Variants in PPP1R37 observed in about 807,000 individuals in gnomAD.
PPP1R37 encodes the protein leucine rich repeat containing 68.
PPP1R37 carries 21 observed loss-of-function variants against 61.0 expected under a neutral mutation model. The observed-to-expected ratio is 0.34, with a 90% confidence interval of 0.24 to 0.50. PPP1R37 has a LOEUF of 0.50. Ranked by LOEUF, PPP1R37 falls within the 20% of genes least tolerant of loss-of-function variation. The pLI is 0.98. For synonymous variants in PPP1R37, 443 were observed against 433.5 expected, an observed-to-expected ratio of 1.02 and a Z score of -0.27; for missense variants, 910 against 952.7, an observed-to-expected ratio of 0.96 and a Z score of 0.59.
intron 1 of PPP1R37, among the ~76,000 whole-genome samples, chr19:45,120,689 G>T (rs1417606461): frequency 6.6e-6 from 1 of 152,064 alleles, no homozygotes; most frequent in African/African-American, 2.4e-5. Flanking sequence ...GTGCAGTGGC[G>T]CTGTCTCATT....
At chr19:45,141,221 C>G in intron 4 of PPP1R37, 101 bp from the exon 5 acceptor site, 1 of 1,361,088 alleles carries the variant, frequency 7.3e-7, no homozygotes, top group Non-Finnish European at 9.7e-7. Flanking sequence ...CTCTCCAGAC[C>G]CTGGACCCAT....
chr19:45,096,151 G>T (rs1967990583), intron 1 of PPP1R37, among the ~76,000 whole-genome samples: 1 of 152,154 alleles, frequency 6.6e-6, no homozygotes, highest in East Asian at 1.9e-4. Flanking sequence ...GTCATCTTGG[G>T]CTGGTGTGGA....
chr19:45,114,174 A>G (rs1968235694), intron 1 of PPP1R37, among the ~76,000 whole-genome samples: 1 of 152,236 alleles, frequency 6.6e-6, no homozygotes, highest in Non-Finnish European at 1.5e-5. Flanking sequence ...GTCGAGAGCC[A>G]TTGCCTGTGT....
chr19:45,127,496 A>G (rs1968421914), intron 1 of PPP1R37, among the ~76,000 whole-genome samples: 1 of 152,116 alleles, frequency 6.6e-6, no homozygotes, highest in Admixed American at 6.6e-5. Context: ...ACACAGTGGT[A>G]GGTATTTGTG....
At chr19:45,134,542 A>G (rs1285054533) in intron 1 of PPP1R37, among the ~76,000 whole-genome samples, 2 of 147,994 alleles carry the variant, frequency 1.4e-5, no homozygotes, top group Non-Finnish European at 3.0e-5. Context: ...GTAAAATCTT[A>G]GTTTTGGTGT....
At chr19:45,118,396 T>A (rs1018709873) in intron 1 of PPP1R37, among the ~76,000 whole-genome samples, 1 of 152,082 alleles carries the variant, frequency 6.6e-6, no homozygotes, top group Non-Finnish European at 1.5e-5. Flanking sequence ...ACTCTGAAGG[T>A]CATAGTGGCT....
intron 1 of PPP1R37, among the ~76,000 whole-genome samples, chr19:45,135,359 C>A (rs1968526091): frequency 6.6e-6 from 1 of 152,258 alleles, no homozygotes; most frequent in Non-Finnish European, 1.5e-5. Flanking sequence ...GCCTCCTCGC[C>A]CCAGCGGTGC....
intron 5 of PPP1R37, 38 bp from the exon 6 acceptor site, chr19:45,142,023 T>A: frequency 6.8e-7 from 1 of 1,468,382 alleles, no homozygotes; most frequent in South Asian, 1.3e-5. Context: ...GGGGCAGGCC[T>A]GAGCCAGTGC....
intron 7 of PPP1R37, 132 bp downstream of exon 7, chr19:45,142,590 GGAA>G: frequency 1.0e-6 from 1 of 984,330 alleles, no homozygotes; most frequent in Non-Finnish European, 1.5e-6. Context: ...GCTCCCAGGA[GGAA>G]GACAGACCCG....
chr19:45,132,305 TTTTTC>T (rs1968487939), intron 1 of PPP1R37, among the ~76,000 whole-genome samples: 1 of 152,014 alleles, frequency 6.6e-6, no homozygotes, highest in Non-Finnish European at 1.5e-5. Flanking sequence ...AGTTACGTAT[TTTTTC>T]TTTTCTTTTT....
chr19:45,103,548 G>T (rs981230632), intron 1 of PPP1R37, among the ~76,000 whole-genome samples: 1 of 152,070 alleles, frequency 6.6e-6, no homozygotes, highest in Non-Finnish European at 1.5e-5. Context: ...GTGGAGAACT[G>T]CTCGCGTCCT....
intron 1 of PPP1R37, among the ~76,000 whole-genome samples, chr19:45,124,092 A>G (rs1051463304): frequency 5.3e-4 from 81 of 152,142 alleles, no homozygotes; most frequent in African/African-American, 1.5e-3. Flanking sequence ...CTGTCTTCCT[A>G]GGACTCATAG....
intron 8 of PPP1R37, 120 bp from the exon 9 acceptor site, chr19:45,144,734 C>G (rs924216701): frequency 7.4e-6 from 6 of 812,184 alleles, no homozygotes; most frequent in Non-Finnish European, 1.1e-5. Flanking sequence ...TTCACGCAGG[C>G]GCGCGAAAGA....
rs1386226081 is a variant in PPP1R37 at position 45,130,687 on chromosome 19, T to C, written c.203-7827T>C. On this transcript the variant is annotated intron_variant, in intron 1 of 12. Coordinates refer to ENST00000221462, the MANE Select transcript of PPP1R37 (RefSeq NM_019121.2). The surrounding 1 kb of genome is among the most constrained non-coding windows in gnomAD (Gnocchi z 4.4). ...GAGCCTGGTTGCCATCACAGTCATA[T>C]GGGGACCTGTTAAAATCTGGGCCCC... is the stretch of plus-strand genomic sequence containing the variant. 6.6e-6 allele frequency among the ~76,000 whole-genome samples: 1 copy of C among 152,194 alleles called. No individual in the cohort carries two copies. The highest frequency in any genetic ancestry group is 6.5e-5 in the Admixed American group (1 of 15,288).
intron 1 of PPP1R37, among the ~76,000 whole-genome samples, chr19:45,137,684 G>T (rs1434318822): frequency 6.6e-6 from 1 of 152,196 alleles, no homozygotes; most frequent in East Asian, 1.9e-4. Context: ...ATCCTGAGAG[G>T]CACGTGGCAT....
In PPP1R37 at chr19:45,145,627, A is replaced by G. The variant is rs369342659; in HGVS notation, c.1571A>G (p.Asp524Gly). 1 of 1,535,804 alleles carries G rather than the reference A, an allele frequency of 6.5e-7. No homozygotes were observed. The highest frequency in any genetic ancestry group is 1.2e-5 in the South Asian group (1 of 84,060). The change falls in exon 11 of 13, where the codon GAC becomes GGC. Residue 524 changes from aspartate (D) to glycine (G), a missense_variant. Transcript: ENST00000221462. Reference sequence around the variant, plus strand: ...GAGGAGGAAGAGGAAGGGGAGAGGGACGAGACCCCCTGTCCTGCCCTGGTG... The same window carrying G: ...GAGGAGGAAGAGGAAGGGGAGAGGGGCGAGACCCCCTGTCCTGCCCTGGTG... ...EEEEEEEGER[D>G]ETPCPALVPP...
In PPP1R37 at chr19:45,093,390, C is replaced by G. The variant is rs1489419317; in HGVS notation, c.65C>G (p.Pro22Arg). ...GCGGACGGCGACATTGAAGAGGCCCCAGCTGAGGCCGGGTCTCCCAGCCCC... is the reference window on the plus strand; with the variant it reads ...GCGGACGGCGACATTGAAGAGGCCCGAGCTGAGGCCGGGTCTCCCAGCCCC... Reference protein sequence around the residue: ...PGADGDIEEAPAEAGSPSPAS... With the variant: ...PGADGDIEEARAEAGSPSPAS... Residue 22 changes from proline (P) to arginine (R), a missense_variant, in exon 1 of 13, where the codon CCA becomes CGA. By Grantham distance (103) the Pro-to-Arg change is moderately radical (BLOSUM62 -2). Around this residue, in one of 3 missense-constraint regions of PPP1R37, gnomAD observed 81 missense variants for 65.4 expected, o/e 1.24. Coordinates refer to ENST00000221462, the MANE Select transcript of PPP1R37 (RefSeq NM_019121.2). The G allele has an allele frequency of 1.3e-6, 2 of 1,532,932 alleles. No individual in the cohort carries two copies. The highest frequency in any genetic ancestry group is 2.4e-5 in the South Asian group (2 of 83,806). 95.0% of individuals were successfully genotyped at this position (1,532,932 alleles called of 1,614,324 possible). A position where few individuals can be genotyped will look rare whatever the true frequency, so the allele number is the denominator to read the frequency against.
At chr19:45,102,073 C>G (rs1407729505) in intron 1 of PPP1R37, among the ~76,000 whole-genome samples, 2 of 152,224 alleles carry the variant, frequency 1.3e-5, no homozygotes, top group Non-Finnish European at 2.9e-5. Context: ...CCTGCCCCTG[C>G]ATGGGCTGTG....
rs961379781 is a variant in PPP1R37, at chr19:45,146,882, G to A, written c.*320G>A. 9 of 181,820 alleles carry A rather than the reference G, an allele frequency of 4.9e-5. No homozygotes were observed. Among genetic ancestry groups the A allele is most frequent in the Non-Finnish European group, 8.2e-5 (7 of 85,458 alleles). 11.3% of individuals were successfully genotyped at this position (181,820 alleles called of 1,614,324 possible). ...TCTGGAGGGGCCAGGCTTGCCCTGC[G>A]GAGGGCAGGCGTCCTGGGTGGTGGT... On this transcript the variant is annotated 3_prime_UTR_variant, in exon 13 of 13. Coordinates refer to ENST00000221462, the MANE Select transcript of PPP1R37 (RefSeq NM_019121.2).
Sources: allele counts gnomAD v4.1 joint callset (sites outside exome capture counted in the v4.1 genomes callset), GRCh38; gene constraint gnomAD v4.1.1; regional missense constraint gnomAD v4.1.1; non-coding constraint Gnocchi (gnomAD v3.1); transcripts MANE v1.5; gene names NCBI Gene and HGNC (gene_info 2026-07-23, HGNC 2026-07-21).